Variants in ZNF487 observed in about 807,000 individuals in gnomAD.
ZNF487 encodes the protein zinc finger protein 487, also known as KRAB domain only 1.
In ZNF487, 4 loss-of-function variants were observed where a neutral mutation model predicts 3.0. The observed-to-expected ratio is 1.35, with a 90% CI of 0.66 to 3.08. The LOEUF is 3.08. ZNF487 is among the 30% of genes most tolerant of loss of function. ZNF487 has a pLI of 0.01. For missense variants in ZNF487, 146 were observed against 98.7 expected, an observed-to-expected ratio of 1.48 and a Z score of -2.03; for synonymous variants, 55 against 34.6, an observed-to-expected ratio of 1.59 and a Z score of -2.06.
At chr10:43,447,138 A>T (rs1839840560) in intron 1 of ZNF487, among the ~76,000 whole-genome samples, 1 of 152,122 alleles carries the variant, frequency 6.6e-6, no homozygotes, top group South Asian at 2.1e-4. Context: ...AAATCGAGGC[A>T]GTACAGTCCA....
At chr10:43,464,467 A>G (rs1480455943) in intron 1 of ZNF487, among the ~76,000 whole-genome samples, 2 of 152,124 alleles carry the variant, frequency 1.3e-5, no homozygotes, top group African/African-American at 2.4e-5. Context: ...GAAGGTCAGC[A>G]GATAAACAAG....
chr10:43,446,432 C>T (rs917187897), intron 1 of ZNF487, among the ~76,000 whole-genome samples: 1 of 150,500 alleles, frequency 6.6e-6, no homozygotes, highest in Non-Finnish European at 1.5e-5. Flanking sequence ...TCCTCAGTTC[C>T]CAGACAGGGT....
chr10:43,480,951 A>C (rs1588747453), intron 3 of ZNF487, among the ~76,000 whole-genome samples: 1 of 152,136 alleles, frequency 6.6e-6, no homozygotes, highest in East Asian at 1.9e-4. Flanking sequence ...TTCTAGATGA[A>C]TAAAGGTATG....
chr10:43,489,602 C>G, the ZNF487 span, among the ~76,000 whole-genome samples: 4 of 152,152 alleles, frequency 2.6e-5, no homozygotes, highest in Admixed American at 6.6e-5. Context: ...AATCTTCCTG[C>G]CTCCGCCTCC....
chr10:43,496,992 C>G, the ZNF487 span, among the ~76,000 whole-genome samples: 1 of 152,114 alleles, frequency 6.6e-6, no homozygotes, highest in Admixed American at 6.6e-5. Flanking sequence ...AATACACTTC[C>G]AAGTAATGAC....
chr10:43,478,540 C>T (rs1024300192), intron 3 of ZNF487, among the ~76,000 whole-genome samples: 49 of 151,768 alleles, frequency 3.2e-4, no homozygotes, highest in Admixed American at 1.4e-3. Context: ...GCAACGAGAG[C>T]GAAACTCTGT....
At chr10:43,522,507 T>G in the ZNF487 span, among the ~76,000 whole-genome samples, 103,010 of 151,408 alleles carry the variant, frequency 0.68, 35,373 homozygotes, top group East Asian at 1. Context: ...GCTGAGGTGG[T>G]AGGTTTACCT....
the ZNF487 span, among the ~76,000 whole-genome samples, chr10:43,516,849 C>G: frequency 1.3e-5 from 2 of 152,304 alleles, no homozygotes; most frequent in South Asian, 4.1e-4. Context: ...TCCTTCAATC[C>G]AATCGTTGAC....
chr10:43,492,369 T>G, the ZNF487 span, among the ~76,000 whole-genome samples: 1 of 151,908 alleles, frequency 6.6e-6, no homozygotes, highest in Non-Finnish European at 1.5e-5. Context: ...TTTCACATAT[T>G]TCATCTTTGA....
At chr10:43,512,091 G>A in the ZNF487 span, among the ~76,000 whole-genome samples, 6 of 152,300 alleles carry the variant, frequency 3.9e-5, no homozygotes, top group East Asian at 1.9e-4. Flanking sequence ...TCCCTTCACC[G>A]CTGTCCTTCA....
the ZNF487 span, among the ~76,000 whole-genome samples, chr10:43,507,997 C>T: frequency 6.6e-6 from 1 of 152,182 alleles, no homozygotes; most frequent in African/African-American, 2.4e-5. Context: ...AGTTTCAGTC[C>T]ACCCACCACT....
chr10:43,516,026 C>T, the ZNF487 span, among the ~76,000 whole-genome samples: 4 of 152,094 alleles, frequency 2.6e-5, no homozygotes, highest in African/African-American at 4.8e-5. Flanking sequence ...GTGATCCGCC[C>T]GCCTTGGCCT....
At chr10:43,497,070 C>CA in the ZNF487 span, among the ~76,000 whole-genome samples, 1 of 152,192 alleles carries the variant, frequency 6.6e-6, no homozygotes, top group Non-Finnish European at 1.5e-5. Context: ...TCAGCATTTA[C>CA]AAAAATCTAA....
intron 1 of ZNF487, among the ~76,000 whole-genome samples, chr10:43,475,129 T>C (rs1841048310): frequency 6.6e-6 from 1 of 152,120 alleles, no homozygotes; most frequent in Non-Finnish European, 1.5e-5. Context: ...GCATCTGATG[T>C]AAACACTTGT....
chr10:43,448,811 C>A (rs2819027), intron 1 of ZNF487, among the ~76,000 whole-genome samples: 1 of 150,296 alleles, frequency 6.7e-6, no homozygotes, highest in African/African-American at 2.4e-5. Flanking sequence ...AGGAAGACTC[C>A]GTTTCAAAAA....
At position 43,458,819 on chromosome 10, in the gene ZNF487, C is replaced by G. The variant is rs538721430; in HGVS notation, c.-93-16902C>G. ...GCACCTTGGTCCCATAGACCTCTTT[C>G]TGATGGTCCTGCTTGATCCAGGCAT... is the stretch of plus-strand genomic sequence containing the variant. On this transcript the variant is annotated intron_variant, in intron 1 of 3. Coordinates refer to ENST00000437590, the MANE Select transcript of ZNF487 (RefSeq NM_001355444.3). Among the ~76,000 whole-genome samples the G allele has an allele frequency of 1.6e-4, 25 of 151,990 alleles. No homozygotes were observed. In the East Asian group the frequency reaches 4.5e-3, roughly 27 times the overall value.
rs543248322 is a variant in ZNF487, at chr10:43,465,020, G to A, written c.-93-10701G>A. Among the ~76,000 whole-genome samples the A allele has an allele frequency of 1.7e-4, 23 of 137,172 alleles. No individual in the cohort carries two copies. The East Asian group carries it at 3.8e-3, about 23-fold the overall frequency. The allele number at this position is 137,172 out of a possible 152,430, so 90.0% of individuals were successfully genotyped here. The stretch of plus-strand genomic sequence containing the variant: ...GGGCTGACCCCCCCACCTCCCTCCC[G>A]GACGGGGCGGCTGGCCGGGCGGGGG... On this transcript the variant is annotated intron_variant, in intron 1 of 3. Transcript: ENST00000437590.
chr10:43,443,084 CAG>C (rs1419276401), intron 1 of ZNF487, among the ~76,000 whole-genome samples: 1 of 97,428 alleles, frequency 1.0e-5, no homozygotes, highest in African/African-American at 4.1e-5. Context: ...TTTTTTGAGA[CAG>C]AGTTTTGCTC....
At position 43,481,813 on chromosome 10, in the gene ZNF487, A is replaced by G. The variant is rs1275729629; in HGVS notation, c.515A>G (p.Tyr172Cys). The change falls in exon 4 of 4, where the codon TAT becomes TGT. Residue 172 changes from tyrosine (Y) to cysteine (C), a missense_variant. By Grantham distance (194) the Tyr-to-Cys change is radical. Transcript: ENST00000437590. ...AATGAGGACTTATTTAGGCATCAGTATATTCAAACTCTTAAGCAGTGTTTT... is the reference window on the plus strand; with the variant it reads ...AATGAGGACTTATTTAGGCATCAGTGTATTCAAACTCTTAAGCAGTGTTTT... ...SQNEDLFRHQ[Y>C]IQTLKQCFEY... The G allele has an allele frequency of 1.7e-5, 12 of 705,802 alleles. No individual in the cohort carries two copies. The highest frequency in any genetic ancestry group is 8.0e-5 in the Admixed American group (4 of 49,986). The allele number at this position is 705,802 out of a possible 1,614,324, so 43.7% of individuals were successfully genotyped here.
Sources: allele counts gnomAD v4.1 joint callset (sites outside exome capture counted in the v4.1 genomes callset), GRCh38; gene constraint gnomAD v4.1.1; transcripts MANE v1.5; gene names NCBI Gene and HGNC (gene_info 2026-07-23, HGNC 2026-07-21).